The following MAN1A2 variants were observed in gnomAD, a reference collection of about 807,000 sequenced individuals.
MAN1A2 encodes the protein mannosyl-oligosaccharide 1,2-alpha-mannosidase IB.
A neutral mutation model predicts 75.7 loss-of-function variants in MAN1A2; 26 were observed. The ratio of observed to expected loss-of-function variants is 0.34; its 90% CI spans 0.25 to 0.48. The LOEUF (loss-of-function observed/expected upper bound fraction) is 0.48, where lower values mean the gene tolerates loss of function less well. Among genes scored for constraint, MAN1A2 ranks in the 20% least tolerant of loss-of-function variants. The pLI is 0.99. For missense variants in MAN1A2, 562 were observed against 775.5 expected (o/e 0.72, Z 3.27); for synonymous variants, 247 against 264.6 (o/e 0.93, Z 0.65).
intron 1 of MAN1A2, among the ~76,000 whole-genome samples, chr1:117,385,846 T>C (rs1487791055): frequency 6.6e-6 from 1 of 151,268 alleles, no homozygotes. Context: ...GTTTAGTAAA[T>C]AGGCATTAAG....
intron 7 of MAN1A2, among the ~76,000 whole-genome samples, chr1:117,463,171 A>C (rs1299897910): frequency 6.6e-6 from 1 of 151,526 alleles, no homozygotes; most frequent in Admixed American, 6.6e-5. Context: ...AGACAGTACA[A>C]ATTCATCAAA....
chr1:117,511,904 A>G (rs1240544609), intron 12 of MAN1A2, among the ~76,000 whole-genome samples: 1 of 152,138 alleles, frequency 6.6e-6, no homozygotes. Flanking sequence ...TTATTGTTTT[A>G]TCCGCAGTAT....
At chr1:117,504,330 T>A (rs945717845) in intron 12 of MAN1A2, among the ~76,000 whole-genome samples, 5 of 147,234 alleles carry the variant, frequency 3.4e-5, no homozygotes, top group African/African-American at 1.2e-4. Flanking sequence ...TTTTTTTTTT[T>A]AAACTTCAGA....
At chr1:117,487,009 TA>T (rs942941391) in intron 8 of MAN1A2, among the ~76,000 whole-genome samples, 1 of 151,996 alleles carries the variant, frequency 6.6e-6, no homozygotes, top group Non-Finnish European at 1.5e-5. Flanking sequence ...TTAAGCCTAT[TA>T]AAAATAACAT....
chr1:117,438,854 A>G (rs896173248), intron 5 of MAN1A2, among the ~76,000 whole-genome samples: 5 of 152,202 alleles, frequency 3.3e-5, no homozygotes, highest in Admixed American at 3.3e-4. Context: ...CACAATGACA[A>G]AATTGCCTAA....
At chr1:117,399,346 G>C (rs990750825) in intron 1 of MAN1A2, among the ~76,000 whole-genome samples, 2 of 152,218 alleles carry the variant, frequency 1.3e-5, no homozygotes, top group African/African-American at 4.8e-5. Context: ...GGATAATGTG[G>C]TACGTGGAGA....
intron 1 of MAN1A2, 131 bp downstream of exon 1, chr1:117,368,616 C>A: frequency 1.3e-6 from 1 of 795,730 alleles, no homozygotes; most frequent in Non-Finnish European, 2.0e-6. Context: ...ATTGTTACTT[C>A]AAGACTGGCT....
intron 6 of MAN1A2, among the ~76,000 whole-genome samples, chr1:117,449,987 C>T (rs556996873): frequency 2.6e-5 from 4 of 152,244 alleles, no homozygotes; most frequent in South Asian, 4.1e-4. Flanking sequence ...CAGCAAGTAC[C>T]AGTAGAGTGG....
intron 1 of MAN1A2, among the ~76,000 whole-genome samples, chr1:117,395,291 C>T (rs1653869704): frequency 6.6e-6 from 1 of 152,134 alleles, no homozygotes; most frequent in Admixed American, 6.5e-5. Context: ...TCAGTATTTG[C>T]ATAGTGTTTA....
At chr1:117,508,260 T>C (rs1026061514) in intron 12 of MAN1A2, among the ~76,000 whole-genome samples, 2 of 151,710 alleles carry the variant, frequency 1.3e-5, no homozygotes, top group Non-Finnish European at 2.9e-5. Context: ...ACCATTTTTT[T>C]CTGAGTTCAT....
At chr1:117,463,376 G>A (rs1474987791) in intron 7 of MAN1A2, among the ~76,000 whole-genome samples, 1 of 151,932 alleles carries the variant, frequency 6.6e-6, no homozygotes. Flanking sequence ...AGTGCCCAGG[G>A]CGTCAAATAT....
chr1:117,444,839 A>ATATTT (rs1649165768), intron 6 of MAN1A2, among the ~76,000 whole-genome samples: 1 of 152,070 alleles, frequency 6.6e-6, no homozygotes, highest in Non-Finnish European at 1.5e-5. Context: ...TTATATATAC[A>ATATTT]AATATATGTT....
intron 5 of MAN1A2, among the ~76,000 whole-genome samples, chr1:117,426,600 T>C (rs1469578674): frequency 6.6e-6 from 1 of 152,180 alleles, no homozygotes; most frequent in Non-Finnish European, 1.5e-5. Flanking sequence ...GGCCAATTGA[T>C]ATAACAAAGC....
chr1:117,463,525 A>G (rs1464013165), intron 7 of MAN1A2, among the ~76,000 whole-genome samples: 1 of 151,912 alleles, frequency 6.6e-6, no homozygotes, highest in African/African-American at 2.4e-5. Context: ...ACATACACAC[A>G]CACACACACA....
chr1:117,403,348 C>G (rs1557936118), intron 2 of MAN1A2, among the ~76,000 whole-genome samples: 1 of 152,158 alleles, frequency 6.6e-6, no homozygotes, highest in Non-Finnish European at 1.5e-5. Flanking sequence ...TCTGATTTTA[C>G]CTCACCTCTA....
chr1:117,416,213 T>C (rs1647986510), intron 4 of MAN1A2, among the ~76,000 whole-genome samples: 1 of 152,170 alleles, frequency 6.6e-6, no homozygotes, highest in Non-Finnish European at 1.5e-5. Context: ...ATTAGTCATA[T>C]ATTAGTCATA....
At chr1:117,413,498 G>A (rs1056653224) in intron 3 of MAN1A2, among the ~76,000 whole-genome samples, 4 of 151,848 alleles carry the variant, frequency 2.6e-5, no homozygotes, top group Admixed American at 2.0e-4. Context: ...AAGAAAACCC[G>A]TTGATAAGAC....
At chr1:117,411,284 A>G (rs796324469) in intron 3 of MAN1A2, among the ~76,000 whole-genome samples, 1 of 151,832 alleles carries the variant, frequency 6.6e-6, no homozygotes, top group African/African-American at 2.4e-5. Flanking sequence ...AGAAGTGTAC[A>G]TACATGGTTA....
chr1:117,521,948 G>C (rs1350419454), intron 12 of MAN1A2, among the ~76,000 whole-genome samples: 1 of 151,890 alleles, frequency 6.6e-6, no homozygotes, highest in African/African-American at 2.4e-5. Context: ...ACCAAGCATC[G>C]TATGTTCTCA....
Sources: allele counts gnomAD v4.1 joint callset (sites outside exome capture counted in the v4.1 genomes callset), GRCh38; gene constraint gnomAD v4.1.1; transcripts MANE v1.5; gene names NCBI Gene and HGNC (gene_info 2026-07-23, HGNC 2026-07-21).